TBCD: variants seen among roughly 807,000 people sequenced by gnomAD.
The protein encoded by TBCD is tubulin-specific chaperone D.
In TBCD, 105 loss-of-function variants were observed where a neutral mutation model predicts 169.3. That is an observed-to-expected ratio of 0.62 (90% CI 0.53 to 0.73). The LOEUF is 0.73. Among genes scored for constraint, TBCD ranks in the 30% least tolerant of loss-of-function variants. TBCD has a pLI of 0.00. For synonymous variants in TBCD, 700 were observed against 643.9 expected (o/e 1.09, Z -1.32); for missense variants, 1,444 against 1,600.1 (o/e 0.90, Z 1.66).
chr17:82,923,762 T>G lies in TBCD; in HGVS notation c.2260+29T>G. 1 of 1,546,500 alleles carries G rather than the reference T, an allele frequency of 6.5e-7. No individual in the cohort carries two copies. Among genetic ancestry groups the G allele is most frequent in the South Asian group, 1.2e-5 (1 of 84,324 alleles). On this transcript the variant is annotated intron_variant, in intron 26 of 38. Coordinates refer to ENST00000355528, the MANE Select transcript of TBCD (RefSeq NM_005993.5). This position sits in a 1 kb window ranked among gnomAD's most constrained non-coding sequence, Gnocchi z 4.6. Reference sequence around the variant, plus strand: ...AGTGGGGAGCCCTTTTCTTGAAGACTCCAGGGGCTTCCAGCAGGAAGCTGC... The same window carrying G: ...AGTGGGGAGCCCTTTTCTTGAAGACGCCAGGGGCTTCCAGCAGGAAGCTGC...
At chr17:82,887,738 G>C (rs995971725) in intron 15 of TBCD, among the ~76,000 whole-genome samples, 1 of 152,160 alleles carries the variant, frequency 6.6e-6, no homozygotes, top group Non-Finnish European at 1.5e-5. Context: ...GCCTTTCTCT[G>C]TCCTCGCTTG....
chr17:82,942,322 G>A (rs1031974955), intron 38 of TBCD, 127 bp from the exon 39 acceptor site: 19 of 1,387,514 alleles, frequency 1.4e-5, no homozygotes, highest in East Asian at 1.2e-4. Context: ...TGTGGGAAAC[G>A]GCACAAATGG....
chr17:82,899,306 T>G (rs1296955678), intron 17 of TBCD, among the ~76,000 whole-genome samples: 3 of 145,158 alleles, frequency 2.1e-5, no homozygotes, highest in Admixed American at 1.4e-4. Context: ...TGTCCTCCGC[T>G]CACGTGTCCT....
At position 82,752,612 on chromosome 17, in the gene TBCD, C is replaced by T. The variant is rs530491633; in HGVS notation, c.184+235C>T. Among the ~76,000 whole-genome samples, 5 of 152,230 alleles carry T rather than the reference C, an allele frequency of 3.3e-5. No homozygotes were observed. The South Asian group carries it at 8.3e-4, about 25-fold the overall frequency. On this transcript the variant is annotated intron_variant, in intron 1 of 38. Transcript: ENST00000355528. Reference sequence around the variant, plus strand: ...CGCCTCCCTTGGGGGGACCGTGGCCCGCGGAGCGCCTGCTCTCGCACGGGG... The same window carrying T: ...CGCCTCCCTTGGGGGGACCGTGGCCTGCGGAGCGCCTGCTCTCGCACGGGG...
At chr17:82,853,168 C>T (rs193169213) in intron 13 of TBCD, among the ~76,000 whole-genome samples, 1 of 151,900 alleles carries the variant, frequency 6.6e-6, no homozygotes, top group East Asian at 1.9e-4. Context: ...CATCCTTGAC[C>T]TCTTGGGCGC....
chr17:82,850,985 C>T lies in TBCD; in HGVS notation c.1319-19239C>T, dbSNP rs543751543. ...ACATACAATATTTCAACAGCAGAGG[C>T]GACTGGCATGATTCCATAATTGATA... On this transcript the variant is annotated intron_variant, in intron 13 of 38. Transcript: ENST00000355528. 4.6e-5 allele frequency among the ~76,000 whole-genome samples: 7 copies of T among 152,292 alleles called. No homozygotes were observed. In the South Asian group the frequency reaches 1.2e-3, roughly 27 times the overall value.
At chr17:82,807,585 G>T in intron 10 of TBCD, 23 bp from the exon 11 acceptor site, 1 of 1,483,554 alleles carries the variant, frequency 6.7e-7, no homozygotes, top group Non-Finnish European at 9.0e-7. Context: ...ACTCTGTCAC[G>T]CATCACCTTC....
chr17:82,849,885 G>A (rs2055507465), intron 13 of TBCD, among the ~76,000 whole-genome samples: 1 of 151,958 alleles, frequency 6.6e-6, no homozygotes, highest in African/African-American at 2.4e-5. Context: ...AGGCTGTGCT[G>A]CTGTTGGCTG....
intron 28 of TBCD, 34 bp from the exon 29 acceptor site, chr17:82,927,152 G>A (rs776263530): frequency 6.2e-6 from 10 of 1,612,870 alleles, no homozygotes; most frequent in South Asian, 2.2e-5. Context: ...GCTCACCGAT[G>A]TTTGTTTGTT....
At chr17:82,850,515 CTGTTGTTGGCTGTGCTGTTGTTAGCTGTG>C (rs2055691151) in intron 13 of TBCD, among the ~76,000 whole-genome samples, 1 of 93,680 alleles carries the variant, frequency 1.1e-5, no homozygotes, top group Non-Finnish European at 2.5e-5. Context: ...GTTGGCTGTG[CTGTTGTTGGCTGTGCTGTTGTTAGCTGTG>C]CTGTTGTTGG....
chr17:82,940,156 T>TG (rs2062988552), intron 37 of TBCD, among the ~76,000 whole-genome samples: 1 of 151,794 alleles, frequency 6.6e-6, no homozygotes, highest in Non-Finnish European at 1.5e-5. Context: ...ACAGCAGTGA[T>TG]GGTGTCTTAC....
intron 13 of TBCD, among the ~76,000 whole-genome samples, chr17:82,846,312 C>T (rs972387987): frequency 0.029 from 3,249 of 112,776 alleles, 182 homozygotes; most frequent in African/African-American, 0.066. Flanking sequence ...CCACGTGCTG[C>T]GTCCAGCGTG....
intron 7 of TBCD, among the ~76,000 whole-genome samples, chr17:82,796,386 T>C (rs1198512295): frequency 6.6e-6 from 1 of 152,260 alleles, no homozygotes. Flanking sequence ...GAAGAGTTCT[T>C]AAAGTTAAAT....
Position 82,832,004 on chromosome 17 carries a change from G to T in TBCD, c.1318+17070G>T. The T allele has an allele frequency of 6.2e-7, 1 of 1,612,740 alleles. No homozygotes were observed. The highest frequency in any genetic ancestry group is 8.5e-7 in the Non-Finnish European group (1 of 1,178,916). ...GGCCGAGCTGCGCCTTCCAGAGCAG[G>T]CTGGGCACCGAGGGCGGCTTCCGGA... On this transcript the variant is annotated intron_variant, in intron 13 of 38. Coordinates refer to ENST00000355528, the MANE Select transcript of TBCD (RefSeq NM_005993.5). This position sits in a 1 kb window ranked among gnomAD's most constrained non-coding sequence, Gnocchi z 4.9.
rs377449909 is a variant in TBCD at position 82,767,455 on chromosome 17, T to A, written c.436-965T>A. ...ATTGTTTTCTTTATTCTTTTTTTTT[T>A]AAAAAGACAGAGTTTCACTCTTCTT... On this transcript the variant is annotated intron_variant, in intron 4 of 38. Coordinates refer to ENST00000355528, the MANE Select transcript of TBCD (RefSeq NM_005993.5). Among the ~76,000 whole-genome samples the A allele has an allele frequency of 1.7e-3, 260 of 151,962 alleles. 2 individuals carry two copies. Among genetic ancestry groups the A allele is most frequent in the East Asian group, 6.8e-3 (35 of 5,136 alleles).
Position 82,809,695 on chromosome 17 carries a change from G to C in TBCD, c.1149-13G>C. The C allele has an allele frequency of 6.2e-7, 1 of 1,612,424 alleles. No homozygotes were observed. ...GGTGGTGCCCCTGACGGATTGCTGC[G>C]TTTCTCTTTCAGCATCGGTAGGATG... On this transcript the variant is annotated splice_polypyrimidine_tract_variant and intron_variant, in intron 11 of 38. Coordinates refer to ENST00000355528, the MANE Select transcript of TBCD (RefSeq NM_005993.5).
chr17:82,893,288 T>G, intron 16 of TBCD: 1 of 497,950 alleles, frequency 2.0e-6, no homozygotes, highest in East Asian at 3.5e-5. Flanking sequence ...GTGGAAATGT[T>G]TGAGTTGTTT....
rs750344699 is a variant in TBCD, at chr17:82,920,270, G to A, written c.2039-286G>A. ...GACGTCTGCAGCTCCCTGACAGGCC[G>A]GCCCGGCTTCTCTGAAGTGCACGTG... On this transcript the variant is annotated intron_variant, in intron 23 of 38. Transcript: ENST00000355528. The surrounding 1 kb of genome is among the most constrained non-coding windows in gnomAD (Gnocchi z 4.1). 2.6e-5 allele frequency among the ~76,000 whole-genome samples: 4 copies of A among 152,246 alleles called. No homozygotes were observed. Among genetic ancestry groups the A allele is most frequent in the Non-Finnish European group, 5.9e-5 (4 of 68,050 alleles).
At chr17:82,873,808 C>T (rs1337365034) in intron 14 of TBCD, among the ~76,000 whole-genome samples, 4 of 152,208 alleles carry the variant, frequency 2.6e-5, no homozygotes, top group Non-Finnish European at 5.9e-5. Flanking sequence ...CGGTGGCCTG[C>T]TCGCTTATTC....
Sources: allele counts gnomAD v4.1 joint callset (sites outside exome capture counted in the v4.1 genomes callset), GRCh38; gene constraint gnomAD v4.1.1; non-coding constraint Gnocchi (gnomAD v3.1); transcripts MANE v1.5; gene names NCBI Gene and HGNC (gene_info 2026-07-23, HGNC 2026-07-21).